MATCAP2: variants seen among roughly 807,000 people sequenced by gnomAD.
The protein encoded by MATCAP2 is microtubule associated tyrosine carboxypeptidase 2, also known as putative tyrosine carboxypeptidase MATCAP2.
chr7:36,332,964 C>G, the MATCAP2 span, among the ~76,000 whole-genome samples: 7 of 148,004 alleles, frequency 4.7e-5, no homozygotes, highest in African/African-American at 1.9e-4. Flanking sequence ...TAGATTCTGC[C>G]TCTCTGGGCA....
At chr7:36,372,811 T>C in the MATCAP2 span, among the ~76,000 whole-genome samples, 12 of 152,140 alleles carry the variant, frequency 7.9e-5, no homozygotes, top group Non-Finnish European at 1.6e-4. Flanking sequence ...TACATACATA[T>C]GTAAAAATGA....
At chr7:36,367,310 G>A in the MATCAP2 span, 2 of 1,014,698 alleles carry the variant, frequency 2.0e-6, no homozygotes, top group South Asian at 9.2e-5. Context: ...GTGCGACGAA[G>A]GCCCGCGGGC....
chr7:36,371,171 T>C, the MATCAP2 span, among the ~76,000 whole-genome samples: 1 of 152,134 alleles, frequency 6.6e-6, no homozygotes, highest in Non-Finnish European at 1.5e-5. Flanking sequence ...AATGGCATGA[T>C]CATGGTTCAC....
At chr7:36,360,869 G>A in the MATCAP2 span, among the ~76,000 whole-genome samples, 4 of 152,172 alleles carry the variant, frequency 2.6e-5, no homozygotes, top group African/African-American at 9.7e-5. Context: ...TGGAGGAAGT[G>A]TAACTCGTGT....
the MATCAP2 span, among the ~76,000 whole-genome samples, chr7:36,363,520 C>G: frequency 6.6e-6 from 1 of 152,292 alleles, no homozygotes; most frequent in East Asian, 1.9e-4. Context: ...TAAAAACCAA[C>G]AGTTGAGCAA....
chr7:36,358,436 G>A, the MATCAP2 span, among the ~76,000 whole-genome samples: 1 of 152,096 alleles, frequency 6.6e-6, no homozygotes, highest in Admixed American at 6.6e-5. Context: ...ATGAATAACT[G>A]GTTGATTTTC....
the MATCAP2 span, among the ~76,000 whole-genome samples, chr7:36,351,912 C>T: frequency 1.8e-4 from 25 of 140,694 alleles, no homozygotes; most frequent in Non-Finnish European, 2.0e-4. Context: ...CACCACTGTA[C>T]TCCAGCCTGG....
the MATCAP2 span, among the ~76,000 whole-genome samples, chr7:36,377,601 A>C: frequency 6.6e-6 from 1 of 152,026 alleles, no homozygotes; most frequent in Non-Finnish European, 1.5e-5. Context: ...TTCTTGAGGA[A>C]TATCTTTGTG....
the MATCAP2 span, among the ~76,000 whole-genome samples, chr7:36,336,660 G>C: frequency 6.6e-6 from 1 of 152,084 alleles, no homozygotes; most frequent in South Asian, 2.1e-4. Flanking sequence ...ACTCAGAGTG[G>C]AAGGTATGTC....
the MATCAP2 span, among the ~76,000 whole-genome samples, chr7:36,344,996 C>T: frequency 6.6e-6 from 1 of 152,204 alleles, no homozygotes; most frequent in African/African-American, 2.4e-5. Context: ...TCCCTATTGT[C>T]CAGGTCTCAG....
At chr7:36,345,812 A>C in the MATCAP2 span, among the ~76,000 whole-genome samples, 2 of 152,198 alleles carry the variant, frequency 1.3e-5, no homozygotes, top group Non-Finnish European at 2.9e-5. Context: ...GGGATCTTAG[A>C]TATGACACCA....
chr7:36,341,512 AC>A, the MATCAP2 span, among the ~76,000 whole-genome samples: 1 of 152,102 alleles, frequency 6.6e-6, no homozygotes, highest in South Asian at 2.1e-4. Context: ...TGAAATCCTA[AC>A]CCCCAAGGTG....
At chr7:36,356,148 G>T in the MATCAP2 span, 1 of 152,044 alleles carries the variant, frequency 6.6e-6, no homozygotes, top group African/African-American at 2.4e-5. Context: ...ACTACTTACC[G>T]GAGCCTAAGC....
the MATCAP2 span, among the ~76,000 whole-genome samples, chr7:36,360,665 G>T: frequency 1.3e-5 from 2 of 152,044 alleles, no homozygotes; most frequent in Admixed American, 1.3e-4. Context: ...ACATTAAAAA[G>T]TATCATAGAA....
chr7:36,363,112 C>G, the MATCAP2 span, among the ~76,000 whole-genome samples: 1 of 152,070 alleles, frequency 6.6e-6, no homozygotes, highest in African/African-American at 2.4e-5. Context: ...AAAAAATTAT[C>G]CCAGGAAGGT....
At chr7:36,379,023 G>A in the MATCAP2 span, among the ~76,000 whole-genome samples, 7 of 152,248 alleles carry the variant, frequency 4.6e-5, no homozygotes, top group Non-Finnish European at 8.8e-5. Context: ...CCTTGGCTAG[G>A]AAAGGGAAAT....
chr7:36,373,619 A>C, the MATCAP2 span, among the ~76,000 whole-genome samples: 298 of 152,124 alleles, frequency 2.0e-3, 1 homozygote, highest in African/African-American at 6.8e-3. Context: ...TTTTTTAAAA[A>C]TTTTTTGTAG....
the MATCAP2 span, chr7:36,357,367 A>G: frequency 6.2e-7 from 1 of 1,614,034 alleles, no homozygotes; most frequent in Non-Finnish European, 8.5e-7. Context: ...TGGGTTTTCT[A>G]CATCTTTTGG....
At chr7:36,379,843 C>CAG in the MATCAP2 span, among the ~76,000 whole-genome samples, 862 of 127,292 alleles carry the variant, frequency 6.8e-3, 9 homozygotes, top group African/African-American at 0.022. Context: ...CACACACACA[C>CAG]ACACAGAGAG....
Sources: allele counts gnomAD v4.1 joint callset (sites outside exome capture counted in the v4.1 genomes callset), GRCh38; gene constraint gnomAD v4.1.1; transcripts MANE v1.5; gene names NCBI Gene and HGNC (gene_info 2026-07-23, HGNC 2026-07-21).